Variants in SLC25A48 observed in about 807,000 individuals in gnomAD.
SLC25A48 encodes CTC-321K16.1.
In SLC25A48, 29 loss-of-function variants were observed where a neutral mutation model predicts 32.2. That is an observed-to-expected ratio of 0.90 (90% CI 0.67 to 1.23). The LOEUF is 1.23. SLC25A48 is among the 50% of genes most tolerant of loss of function. The pLI, the probability that SLC25A48 is intolerant of heterozygous loss-of-function variation, is 0.00. For missense variants in SLC25A48, 399 were observed against 422.7 expected, an observed-to-expected ratio of 0.94 and a Z score of 0.49; for synonymous variants, 164 against 172.3, an observed-to-expected ratio of 0.95 and a Z score of 0.38.
At chr5:135,848,137 C>T (rs1473557322) in intron 2 of SLC25A48, among the ~76,000 whole-genome samples, 1 of 152,176 alleles carries the variant, frequency 6.6e-6, no homozygotes, top group Non-Finnish European at 1.5e-5. Context: ...GCCTGACAGA[C>T]CTTTGCTCCA....
intron 3 of SLC25A48, chr5:135,802,950 C>T (rs1235772486): frequency 6.6e-6 from 1 of 150,928 alleles, no homozygotes; most frequent in South Asian, 2.1e-4. Flanking sequence ...TTCATAATAT[C>T]CTAGAAAGAT....
intron 3 of SLC25A48, among the ~76,000 whole-genome samples, chr5:135,723,396 AC>A (rs367593760): frequency 0.27 from 40,839 of 150,758 alleles, 5,754 homozygotes; most frequent in East Asian, 0.47. Context: ...ACACACACAC[AC>A]ACACACACAC....
chr5:135,749,907 G>T (rs894975195), intron 3 of SLC25A48, among the ~76,000 whole-genome samples: 10 of 151,918 alleles, frequency 6.6e-5, no homozygotes, highest in Non-Finnish European at 1.3e-4. Flanking sequence ...GCTTCTTAAG[G>T]TGAGTGCTCC....
intron 3 of SLC25A48, among the ~76,000 whole-genome samples, chr5:135,672,170 C>T (rs56343914): frequency 6.6e-6 from 1 of 152,124 alleles, no homozygotes; most frequent in African/African-American, 2.4e-5. Context: ...GTTACAGCCT[C>T]GGAAACTTGT....
At chr5:135,771,886 G>T (rs1756422500) in intron 3 of SLC25A48, among the ~76,000 whole-genome samples, 2 of 151,480 alleles carry the variant, frequency 1.3e-5, no homozygotes, top group East Asian at 3.9e-4. Flanking sequence ...AATATCCAGG[G>T]TGGGAGAGGA....
chr5:135,699,007 T>C (rs1754329644), intron 3 of SLC25A48, among the ~76,000 whole-genome samples: 1 of 151,962 alleles, frequency 6.6e-6, no homozygotes, highest in Non-Finnish European at 1.5e-5. Context: ...TCACACCCAA[T>C]AGAATGATGA....
At chr5:135,815,210 G>A (rs997878538) in intron 4 of SLC25A48, among the ~76,000 whole-genome samples, 3 of 152,174 alleles carry the variant, frequency 2.0e-5, no homozygotes, top group Non-Finnish European at 1.5e-5. Flanking sequence ...TCCACAGAGA[G>A]GGGGAAGGCA....
chr5:135,796,821 CG>C (rs1230339078), intron 3 of SLC25A48, among the ~76,000 whole-genome samples: 2 of 151,330 alleles, frequency 1.3e-5, no homozygotes, highest in Admixed American at 6.6e-5. Flanking sequence ...TAATATTGCA[CG>C]GGTGTGTGCC....
At chr5:135,742,651 T>C (rs1045123565) in intron 3 of SLC25A48, 6 of 588,170 alleles carry the variant, frequency 1.0e-5, no homozygotes, top group Non-Finnish European at 1.8e-5. Flanking sequence ...TGTCACTCTT[T>C]CAGTAAGCTA....
At chr5:135,659,566 T>A (rs1238747517) in intron 3 of SLC25A48, among the ~76,000 whole-genome samples, 1 of 152,240 alleles carries the variant, frequency 6.6e-6, no homozygotes, top group East Asian at 1.9e-4. Flanking sequence ...TTTGACATTT[T>A]CAGGTATCTT....
chr5:135,799,151 T>C (rs1407775365), intron 3 of SLC25A48, among the ~76,000 whole-genome samples: 1 of 151,768 alleles, frequency 6.6e-6, no homozygotes, highest in Non-Finnish European at 1.5e-5. Flanking sequence ...TCGCAGGGGA[T>C]GTACAGCACC....
rs1370528817 is a variant in SLC25A48, at chr5:135,784,207, T to G, written c.-520-28316T>G. Among the ~76,000 whole-genome samples, 20 of 114,734 alleles carry G rather than the reference T, an allele frequency of 1.7e-4. 3 individuals carry two copies. Among genetic ancestry groups the G allele is most frequent in the African/African-American group, 5.0e-4 (19 of 38,092 alleles). The allele number at this position is 114,734 out of a possible 152,430, so 75.3% of individuals were successfully genotyped here. A position where few individuals can be genotyped will look rare whatever the true frequency, so the allele number is the denominator to read the frequency against. Reference sequence around the variant, plus strand: ...ATAAGCGTACACCCTAACACTGCTTTGTTTTCTTCTATCCAGGGAGAAAGA... The same window carrying G: ...ATAAGCGTACACCCTAACACTGCTTGGTTTTCTTCTATCCAGGGAGAAAGA... On this transcript the variant is annotated intron_variant, in intron 3 of 10. Transcript: ENST00000646290.
intron 4 of SLC25A48, among the ~76,000 whole-genome samples, chr5:135,858,256 T>C (rs1760496131): frequency 6.6e-6 from 1 of 152,240 alleles, no homozygotes. Context: ...TGGAGGTTTC[T>C]GCAGGCAAAT....
At chr5:135,640,761 T>A (rs1286384745) in intron 3 of SLC25A48, among the ~76,000 whole-genome samples, 1 of 152,136 alleles carries the variant, frequency 6.6e-6, no homozygotes, top group Non-Finnish European at 1.5e-5. Flanking sequence ...ATCATCTTGA[T>A]AAATACAGGA....
At chr5:135,747,003 T>TTG (rs1475335496) in intron 3 of SLC25A48, among the ~76,000 whole-genome samples, 4 of 151,802 alleles carry the variant, frequency 2.6e-5, no homozygotes, top group Non-Finnish European at 5.9e-5. Context: ...TGTTGTTGTT[T>TTG]TTTTTTCCTG....
chr5:135,674,101 G>T (rs1753716532), intron 3 of SLC25A48, among the ~76,000 whole-genome samples: 1 of 151,880 alleles, frequency 6.6e-6, no homozygotes. Flanking sequence ...GACCCACACT[G>T]CCTTGCTTAC....
intron 3 of SLC25A48, among the ~76,000 whole-genome samples, chr5:135,794,806 C>A (rs1026849625): frequency 2.6e-5 from 4 of 151,648 alleles, no homozygotes; most frequent in African/African-American, 4.8e-5. Flanking sequence ...GGTAGACACT[C>A]CCCACATAAT....
At chr5:135,751,886 T>C (rs996757274) in intron 3 of SLC25A48, among the ~76,000 whole-genome samples, 4 of 152,190 alleles carry the variant, frequency 2.6e-5, no homozygotes, top group African/African-American at 7.2e-5. Flanking sequence ...TCACTGATTT[T>C]CAATGAAGGT....
intron 3 of SLC25A48, among the ~76,000 whole-genome samples, chr5:135,689,698 G>A (rs575885984): frequency 1.3e-5 from 2 of 152,330 alleles, no homozygotes; most frequent in East Asian, 3.9e-4. Context: ...GTTGGTAAAA[G>A]AGGAGAGATG....
Sources: gnomAD v4.1 joint callset for allele counts (sites outside exome capture counted in the v4.1 genomes callset) on GRCh38, gnomAD v4.1.1 for gene constraint, MANE v1.5 for transcripts, NCBI Gene and HGNC (gene_info 2026-07-23, HGNC 2026-07-21) for gene names.